YIPF5: variants seen among roughly 807,000 people sequenced by gnomAD.
YIPF5 encodes the protein protein YIPF5.
In YIPF5, 8 loss-of-function variants were observed where a neutral mutation model predicts 30.4. The ratio of observed to expected loss-of-function variants is 0.26; its 90% CI spans 0.15 to 0.47. YIPF5 has a LOEUF of 0.47. Among genes scored for constraint, YIPF5 ranks in the 20% least tolerant of loss-of-function variants. YIPF5 has a pLI of 0.99. For missense variants in YIPF5, 282 were observed against 301.8 expected (o/e 0.93, Z 0.49); for synonymous variants, 104 against 107.9 (o/e 0.96, Z 0.23).
intron 2 of YIPF5, among the ~76,000 whole-genome samples, chr5:144,166,466 A>C (rs1752205306): frequency 6.6e-6 from 1 of 152,188 alleles, no homozygotes; most frequent in Non-Finnish European, 1.5e-5. Flanking sequence ...ATGTAAAATA[A>C]TTATTTTAAA....
At chr5:144,169,760 A>C (rs550073549) in intron 2 of YIPF5, 86 bp downstream of exon 2, 91 of 1,090,584 alleles carry the variant, frequency 8.3e-5, no homozygotes, top group Middle Eastern at 2.0e-4. Context: ...ACATGTTCAC[A>C]TATTGTTTTA....
At chr5:144,161,988 C>G (rs1011215400) in intron 5 of YIPF5, among the ~76,000 whole-genome samples, 1 of 152,098 alleles carries the variant, frequency 6.6e-6, no homozygotes, top group African/African-American at 2.4e-5. Context: ...TAAGTAAACA[C>G]AAAACTAGTG....
In YIPF5 at chr5:144,158,767, T is replaced by G; in HGVS notation, c.*1630A>C. 1 of 994,510 alleles carries G rather than the reference T, an allele frequency of 1.0e-6. No individual in the cohort carries two copies. The highest frequency in any genetic ancestry group is 1.2e-6 in the Non-Finnish European group (1 of 836,080). The allele number at this position is 994,510 out of a possible 1,614,324, so 61.6% of individuals were successfully genotyped here. On this transcript the variant is annotated 3_prime_UTR_variant, in exon 6 of 6. Coordinates refer to ENST00000274496, the MANE Select transcript of YIPF5 (RefSeq NM_030799.9). Reference sequence around the variant, plus strand: ...AACAAATTAATGACAAGTGGGTTTCTCCAGACGATTAATGAAGAAAAACAT... The same window carrying G: ...AACAAATTAATGACAAGTGGGTTTCGCCAGACGATTAATGAAGAAAAACAT...
Position 144,158,429 on chromosome 5 carries a change from G to A in YIPF5, c.*1968C>T. The A allele has an allele frequency of 7.9e-7, 1 of 1,270,034 alleles. No homozygotes were observed. The highest frequency in any genetic ancestry group is 1.0e-6 in the Non-Finnish European group (1 of 980,198). The allele number at this position is 1,270,034 out of a possible 1,614,324, so 78.7% of individuals were successfully genotyped here. ...AAACTAAAAATGTTGTTGAGGATAG[G>A]GTAAACAACAAAAAAGAAAATAATT... On this transcript the variant is annotated 3_prime_UTR_variant, in exon 6 of 6. Coordinates refer to ENST00000274496, the MANE Select transcript of YIPF5 (RefSeq NM_030799.9).
In YIPF5 at chr5:144,159,811, C is replaced by CTT. The variant is rs10695801; in HGVS notation, c.*584_*585dup. On this transcript the variant is annotated 3_prime_UTR_variant, in exon 6 of 6. Transcript: ENST00000274496. ...GCAAGCTCCGCCTCCTGGGTTCACA[C>CTT]TTCTCCTGCCTCAGCCTCCTGAGTA... 0.38 allele frequency: 218,059 copies of CTT among 576,172 alleles called. 44,978 individuals carry two copies. The highest frequency in any genetic ancestry group is 0.61 in the African/African-American group (29,684 of 48,484). The allele number at this position is 576,172 out of a possible 1,614,324, so 35.7% of individuals were successfully genotyped here.
At chr5:144,161,638 G>A (rs1336904037) in intron 5 of YIPF5, among the ~76,000 whole-genome samples, 2 of 152,088 alleles carry the variant, frequency 1.3e-5, no homozygotes, top group Non-Finnish European at 2.9e-5. Flanking sequence ...GAGCAACCGT[G>A]CCTGGCCATA....
At position 144,159,102 on chromosome 5, in the gene YIPF5, C is replaced by A. The variant is rs6868379; in HGVS notation, c.*1295G>T. The A allele has an allele frequency of 1.0e-6, 1 of 980,022 alleles. No homozygotes were observed. The highest frequency in any genetic ancestry group is 1.8e-5 in the African/African-American group (1 of 57,046). 60.7% of individuals were successfully genotyped at this position (980,022 alleles called of 1,614,324 possible). A position where few individuals can be genotyped will look rare whatever the true frequency, so the allele number is the denominator to read the frequency against. On this transcript the variant is annotated 3_prime_UTR_variant, in exon 6 of 6. Coordinates refer to ENST00000274496, the MANE Select transcript of YIPF5 (RefSeq NM_030799.9). ...CAATATAAATCAAATAAATTTAATA[C>A]AATAAAATAATGTAACTCAAACTGC... is the stretch of plus-strand genomic sequence containing the variant.
chr5:144,159,498 A>G lies in YIPF5; in HGVS notation c.*899T>C. ...GTAAGTGTTCGCATTTCATGTCTACAATAAGGTAGATTGTGAACTTCCCGT... is the reference window on the plus strand; with the variant it reads ...GTAAGTGTTCGCATTTCATGTCTACGATAAGGTAGATTGTGAACTTCCCGT... On this transcript the variant is annotated 3_prime_UTR_variant, in exon 6 of 6. Transcript: ENST00000274496. The G allele has an allele frequency of 1.0e-6, 1 of 980,482 alleles. No individual in the cohort carries two copies. Among genetic ancestry groups the G allele is most frequent in the Non-Finnish European group, 1.2e-6 (1 of 827,900 alleles). 60.7% of individuals were successfully genotyped at this position (980,482 alleles called of 1,614,324 possible).
At chr5:144,167,844 A>G (rs4518437) in intron 2 of YIPF5, among the ~76,000 whole-genome samples, 68,698 of 152,066 alleles carry the variant, frequency 0.45, 16,410 homozygotes, top group African/African-American at 0.61. Context: ...TGGAGAGCTA[A>G]AAGTTATTAG....
At position 144,160,278 on chromosome 5, in the gene YIPF5, C is replaced by T; in HGVS notation, c.*119G>A. On this transcript the variant is annotated 3_prime_UTR_variant, in exon 6 of 6. Transcript: ENST00000274496. ...AGATACACGTTTACTTTCATTGCTC[C>T]AACAGTCAAATGTAAATCTGCATGA... 1.3e-6 allele frequency: 2 copies of T among 1,495,134 alleles called. No homozygotes were observed. Among genetic ancestry groups the T allele is most frequent in the Non-Finnish European group, 1.8e-6 (2 of 1,122,926 alleles). 92.6% of individuals were successfully genotyped at this position (1,495,134 alleles called of 1,614,324 possible).
chr5:144,162,173 C>T (rs756310342), intron 5 of YIPF5, 45 bp downstream of exon 5: 22 of 1,579,102 alleles, frequency 1.4e-5, no homozygotes, highest in East Asian at 2.2e-5. Context: ...AATCCTACTA[C>T]ATAGAATTGG....
rs11370080 is a variant in YIPF5, at chr5:144,158,914, TAAA to T, written c.*1480_*1482del. On this transcript the variant is annotated 3_prime_UTR_variant, in exon 6 of 6. Coordinates refer to ENST00000274496, the MANE Select transcript of YIPF5 (RefSeq NM_030799.9). ...TTTCTATTTAGTCTGAAAATCTCTT[TAAA>T]AAAAAAAAAAAGGCAGTATTTTCCT... is the stretch of plus-strand genomic sequence containing the variant. The T allele has an allele frequency of 6.0e-6, 5 of 839,508 alleles. No homozygotes were observed. The highest frequency in any genetic ancestry group is 5.7e-6 in the Non-Finnish European group (4 of 700,834). The allele number at this position is 839,508 out of a possible 1,614,324, so 52.0% of individuals were successfully genotyped here. A position where few individuals can be genotyped will look rare whatever the true frequency, so the allele number is the denominator to read the frequency against.
In YIPF5 at chr5:144,160,574, G is replaced by A. The variant is rs1561512565; in HGVS notation, c.612-15C>T. 9 of 1,587,156 alleles carry A rather than the reference G, an allele frequency of 5.7e-6. No homozygotes were observed. The highest frequency in any genetic ancestry group is 1.7e-4 in the Middle Eastern group (1 of 5,914). On this transcript the variant is annotated splice_polypyrimidine_tract_variant and intron_variant, in intron 5 of 5. Coordinates refer to ENST00000274496, the MANE Select transcript of YIPF5 (RefSeq NM_030799.9). ...CTACCATTCCTCTGTAAACAACAAG[G>A]AAAAAGGGGGGAGAAGAAAAAAAAG...
Position 144,165,980 on chromosome 5 carries a change from A to C in YIPF5, c.111-376T>G, listed in dbSNP as rs566487441. Among the ~76,000 whole-genome samples the C allele has an allele frequency of 2.6e-5, 4 of 152,322 alleles. No individual in the cohort carries two copies. In the South Asian group the frequency reaches 8.3e-4, roughly 32 times the overall value. Reference sequence around the variant, plus strand: ...ACACTATGAAATAAAATCTATGGCTAAGACTGAATGAAACCTTAGGATGTC... The same window carrying C: ...ACACTATGAAATAAAATCTATGGCTCAGACTGAATGAAACCTTAGGATGTC... On this transcript the variant is annotated intron_variant, in intron 2 of 5. Transcript: ENST00000274496.
intron 5 of YIPF5, 132 bp downstream of exon 5, chr5:144,162,086 G>T: frequency 1.1e-6 from 1 of 915,484 alleles, no homozygotes; most frequent in Non-Finnish European, 1.7e-6. Context: ...AAACCATTTG[G>T]CACTGTCCCT....
chr5:144,160,491 A>T lies in YIPF5; in HGVS notation c.680T>A (p.Phe227Tyr). The T allele has an allele frequency of 6.2e-7, 1 of 1,614,206 alleles. No individual in the cohort carries two copies. Among genetic ancestry groups the T allele is most frequent in the Middle Eastern group, 1.6e-4 (1 of 6,062 alleles). The change falls in exon 6 of 6, where the codon TTT becomes TAT. Residue 227 changes from phenylalanine to tyrosine, a missense_variant. Physicochemically the swap from Phe to Tyr is conservative, Grantham distance 22. Transcript: ENST00000274496. Reference sequence around the variant, plus strand: ...TCCTTCCATGGCTAATGCAGAAATAAATATTTTGGAAGCAGAAAAACTACA... The same window carrying T: ...TCCTTCCATGGCTAATGCAGAAATATATATTTTGGAAGCAGAAAAACTACA... ...GWCSFSASKI[F>Y]ISALAMEGQQ...
At position 144,164,138 on chromosome 5, in the gene YIPF5, G is replaced by A; in HGVS notation, c.402C>T (p.Cys134=). The A allele has an allele frequency of 3.7e-6, 6 of 1,612,890 alleles. No individual in the cohort carries two copies. The highest frequency in any genetic ancestry group is 5.1e-6 in the Non-Finnish European group (6 of 1,179,474). ...GTAGCAATGTGGCTCCAAAAGCAAGGCAAAAAACCATTGGACCTGCCAAAT... is the reference window on the plus strand; with the variant it reads ...GTAGCAATGTGGCTCCAAAAGCAAGACAAAAAACCATTGGACCTGCCAAAT... ...ETDLAGPMVF[C]LAFGATLLLA... The change falls in exon 4 of 6, where the codon TGC becomes TGT. Residue 134 remains cysteine, a synonymous_variant. Coordinates refer to ENST00000274496, the MANE Select transcript of YIPF5 (RefSeq NM_030799.9).
intron 4 of YIPF5, among the ~76,000 whole-genome samples, chr5:144,163,084 TG>T (rs1272958849): frequency 2.0e-5 from 3 of 152,206 alleles, no homozygotes; most frequent in African/African-American, 7.2e-5. Context: ...TTAGCTAAAT[TG>T]GAATTATCCT....
Position 144,162,364 on chromosome 5 carries a change from G to C in YIPF5, c.465C>G (p.Ile155Met). Residue 155 changes from isoleucine (I) to methionine (M), a missense_variant, in exon 5 of 6, where the codon ATC becomes ATG. Transcript: ENST00000274496. ...ACATTCCTAGACATCCAATTGCACT[G>C]ATCCCGTATACATAGCCAAACTGGA... ...GKIQFGYVYG[I>M]SAIGCLGMFC... 6.2e-7 allele frequency: 1 copy of C among 1,613,770 alleles called. No homozygotes were observed. Among genetic ancestry groups the C allele is most frequent in the African/African-American group, 1.3e-5 (1 of 75,012 alleles).
Sources: gnomAD v4.1 joint callset for allele counts (sites outside exome capture counted in the v4.1 genomes callset) on GRCh38, gnomAD v4.1.1 for gene constraint, MANE v1.5 for transcripts, NCBI Gene and HGNC (gene_info 2026-07-23, HGNC 2026-07-21) for gene names.